The following STPG2 variants were observed in gnomAD, a reference collection of about 807,000 sequenced individuals.
STPG2 encodes the protein sperm-tail PG-rich repeat-containing protein 2.
Under a neutral mutation model 54.2 loss-of-function variants are expected in STPG2, and 56 were observed. The observed-to-expected ratio is 1.03, with a 90% confidence interval of 0.83 to 1.29. STPG2 has a LOEUF of 1.29. Among genes scored for constraint, STPG2 ranks in the 50% most tolerant of loss-of-function variants. The probability of loss-of-function intolerance (pLI) is 0.00; values close to 1 mark genes in which losing one functional copy is unlikely to be tolerated. For missense variants in STPG2, 596 were observed against 544.9 expected (o/e 1.09, Z -0.93); for synonymous variants, 200 against 181.8 (o/e 1.10, Z -0.81).
chr4:97,885,284 G>A (rs1730520865), intron 8 of STPG2, among the ~76,000 whole-genome samples: 1 of 152,076 alleles, frequency 6.6e-6, no homozygotes, highest in Non-Finnish European at 1.5e-5. Context: ...AGAGACTGTT[G>A]GGTCCAGCTG....
chr4:98,089,008 C>G (rs1471473984), intron 5 of STPG2, among the ~76,000 whole-genome samples: 1 of 151,914 alleles, frequency 6.6e-6, no homozygotes, highest in East Asian at 1.9e-4. Context: ...AAATTCAGTC[C>G]CCCTCTGGCT....
chr4:98,008,273 G>T (rs958573543), intron 5 of STPG2, among the ~76,000 whole-genome samples: 1 of 150,710 alleles, frequency 6.6e-6, no homozygotes, highest in South Asian at 2.1e-4. Context: ...AGCTAGAAGA[G>T]ATTGGGAACT....
chr4:97,954,808 T>A (rs1436666746), intron 7 of STPG2, among the ~76,000 whole-genome samples: 2 of 152,270 alleles, frequency 1.3e-5, no homozygotes, highest in East Asian at 3.9e-4. Flanking sequence ...ATATGCAGTA[T>A]CTGGCAAGCT....
intron 4 of STPG2, among the ~76,000 whole-genome samples, chr4:97,544,830 T>TAC (rs1731799659): frequency 6.6e-6 from 1 of 152,112 alleles, no homozygotes; most frequent in African/African-American, 2.4e-5. Flanking sequence ...TATAGCTTAT[T>TAC]ACCCAGCAGA....
intron 3 of STPG2, among the ~76,000 whole-genome samples, chr4:98,125,595 T>C (rs1739806306): frequency 1.3e-5 from 2 of 152,098 alleles, no homozygotes; most frequent in Admixed American, 6.5e-5. Flanking sequence ...GGAACACTCC[T>C]GTATGAGGTG....
At chr4:97,950,145 T>G (rs1417482212) in intron 7 of STPG2, among the ~76,000 whole-genome samples, 1 of 152,092 alleles carries the variant, frequency 6.6e-6, no homozygotes, top group African/African-American at 2.4e-5. Flanking sequence ...TGAAATTTTT[T>G]TAATTTCTTT....
At chr4:97,640,693 A>T (rs190459735) in intron 10 of STPG2, among the ~76,000 whole-genome samples, 23 of 151,692 alleles carry the variant, frequency 1.5e-4, no homozygotes, top group African/African-American at 5.3e-4. Context: ...GAACATGAAG[A>T]AGTAAATATA....
At chr4:97,974,829 T>C (rs1037920227) in intron 6 of STPG2, among the ~76,000 whole-genome samples, 1 of 152,192 alleles carries the variant, frequency 6.6e-6, no homozygotes, top group Non-Finnish European at 1.5e-5. Context: ...AGCATGAACA[T>C]GGGCTAATAC....
In STPG2 at chr4:97,722,944, C is replaced by T. The variant is rs1280070013; in HGVS notation, c.1205-10130G>A. 2.0e-5 allele frequency among the ~76,000 whole-genome samples: 3 copies of T among 149,654 alleles called. No homozygotes were observed. The East Asian group carries it at 5.9e-4, about 29-fold the overall frequency. On this transcript the variant is annotated intron_variant, in intron 9 of 10. Transcript: ENST00000295268. ...TCCTGAGTAGCTGGGACTACAGGTG[C>T]CCACCACCACACCCGGCTAATTTTT...
intron 10 of STPG2, among the ~76,000 whole-genome samples, chr4:97,560,830 G>A (rs920140684): frequency 2.9e-4 from 44 of 152,170 alleles, no homozygotes; most frequent in Admixed American, 5.2e-4. Context: ...GGGGAGGGGG[G>A]AACGACTCAG....
chr4:98,031,718 C>A (rs554553048), intron 5 of STPG2, among the ~76,000 whole-genome samples: 2 of 151,986 alleles, frequency 1.3e-5, no homozygotes, highest in African/African-American at 4.8e-5. Flanking sequence ...AAGTAAATAA[C>A]TGGGACTTGA....
At chr4:97,761,787 A>G (rs1387488015) in intron 9 of STPG2, among the ~76,000 whole-genome samples, 1 of 152,158 alleles carries the variant, frequency 6.6e-6, no homozygotes, top group African/African-American at 2.4e-5. Flanking sequence ...TTTTCCTTTT[A>G]ATTTACATAC....
intron 9 of STPG2, among the ~76,000 whole-genome samples, chr4:97,716,889 A>G (rs1360799707): frequency 6.6e-6 from 1 of 152,038 alleles, no homozygotes; most frequent in African/African-American, 2.4e-5. Context: ...ATTTTTAAAA[A>G]GGGGTTAAAA....
chr4:97,732,805 A>T (rs1199921810), intron 9 of STPG2, among the ~76,000 whole-genome samples: 1 of 151,882 alleles, frequency 6.6e-6, no homozygotes, highest in Admixed American at 6.5e-5. Flanking sequence ...ACCAAAGAAG[A>T]TATAAAAATG....
intron 9 of STPG2, among the ~76,000 whole-genome samples, chr4:97,742,715 A>T (rs1002811939): frequency 4.2e-5 from 6 of 143,034 alleles, no homozygotes; most frequent in African/African-American, 1.3e-4. Context: ...TGGAATATTT[A>T]AAAAAAAACA....
intron 4 of STPG2, among the ~76,000 whole-genome samples, chr4:97,508,743 T>C (rs1213136853): frequency 6.6e-6 from 1 of 151,528 alleles, no homozygotes; most frequent in Non-Finnish European, 1.5e-5. Flanking sequence ...TTTTATTAAT[T>C]ATAGCATGAA....
intron 9 of STPG2, among the ~76,000 whole-genome samples, chr4:97,786,880 T>C (rs770497020): frequency 6.6e-6 from 1 of 152,136 alleles, no homozygotes; most frequent in Non-Finnish European, 1.5e-5. Flanking sequence ...ACTATTGTTG[T>C]TAATCTCTTA....
At chr4:97,944,318 G>C (rs944401510) in intron 7 of STPG2, among the ~76,000 whole-genome samples, 6 of 151,762 alleles carry the variant, frequency 4.0e-5, no homozygotes, top group South Asian at 2.1e-4. Flanking sequence ...TAATATATTA[G>C]TATAAGATAC....
At chr4:98,000,844 A>G (rs1735390646) in intron 5 of STPG2, among the ~76,000 whole-genome samples, 1 of 152,192 alleles carries the variant, frequency 6.6e-6, no homozygotes. Flanking sequence ...TGCAGGATAA[A>G]TCATATACTA....
Sources: gnomAD v4.1 joint callset for allele counts (sites outside exome capture counted in the v4.1 genomes callset) on GRCh38, gnomAD v4.1.1 for gene constraint, MANE v1.5 for transcripts, NCBI Gene and HGNC (gene_info 2026-07-23, HGNC 2026-07-21) for gene names.